DAGLB: variants seen among roughly 807,000 people sequenced by gnomAD.
DAGLB encodes diacylglycerol lipase-beta.
DAGLB carries 66 observed loss-of-function variants against 72.1 expected under a neutral mutation model. That is an observed-to-expected ratio of 0.92 (90% CI 0.75 to 1.12). The LOEUF (loss-of-function observed/expected upper bound fraction) is 1.12. DAGLB is among the 50% of genes most tolerant of loss of function. The probability of loss-of-function intolerance (pLI) is 0.00; values close to 1 mark genes in which losing one functional copy is unlikely to be tolerated. For missense variants in DAGLB, 1,065 were observed against 884.9 expected (o/e 1.20, Z -2.58); for synonymous variants, 414 against 359.5 (o/e 1.15, Z -1.71).
chr7:6,417,323 C>T (rs755937976), intron 9 of DAGLB: 48 of 160,940 alleles, frequency 3.0e-4, no homozygotes, highest in Middle Eastern at 3.1e-3. Context: ...ACTCGGGAGG[C>T]TGAGGTGGGA....
chr7:6,410,437 C>G, intron 13 of DAGLB, 57 bp from the exon 14 acceptor site: 1 of 1,541,710 alleles, frequency 6.5e-7, no homozygotes, highest in Non-Finnish European at 8.8e-7. Flanking sequence ...CACCCGAGAC[C>G]TCCCGAAACA....
intron 11 of DAGLB, among the ~76,000 whole-genome samples, chr7:6,414,859 G>C (rs892163588): frequency 6.6e-6 from 1 of 152,086 alleles, no homozygotes; most frequent in Non-Finnish European, 1.5e-5. Context: ...CAAAACTTGA[G>C]AATATTCTTG....
chr7:6,432,579 G>A (rs1401550471), intron 5 of DAGLB, among the ~76,000 whole-genome samples: 1 of 150,658 alleles, frequency 6.6e-6, no homozygotes, highest in Non-Finnish European at 1.5e-5. Flanking sequence ...AGAATGGTGT[G>A]AACCTGGGAG....
Position 6,425,771 on chromosome 7 carries a change from C to T in DAGLB, c.1056+217G>A, listed in dbSNP as rs538138466. On this transcript the variant is annotated intron_variant, in intron 7 of 14. Transcript: ENST00000297056. ...CACAGCGCGCTATCTCTGATGAAGA[C>T]GTCTCTATCTTATGTGAAACCTGGG... Among the ~76,000 whole-genome samples, 25 of 152,332 alleles carry T rather than the reference C, an allele frequency of 1.6e-4. No individual in the cohort carries two copies. The South Asian group carries it at 3.5e-3, about 21-fold the overall frequency.
chr7:6,411,577 C>T (rs1029923878), intron 13 of DAGLB, among the ~76,000 whole-genome samples: 4 of 152,136 alleles, frequency 2.6e-5, no homozygotes, highest in East Asian at 1.9e-4. Context: ...GCCGAGACTG[C>T]GCCACTGCAC....
chr7:6,417,041 C>A, intron 9 of DAGLB, 120 bp from the exon 10 acceptor site: 2 of 1,102,520 alleles, frequency 1.8e-6, no homozygotes, highest in Middle Eastern at 2.3e-4. Flanking sequence ...TCTGAGACTG[C>A]AGAATCAGCA....
intron 2 of DAGLB, among the ~76,000 whole-genome samples, chr7:6,444,499 G>C (rs908709990): frequency 6.6e-6 from 1 of 152,158 alleles, no homozygotes; most frequent in Non-Finnish European, 1.5e-5. Context: ...CTACATGGGA[G>C]GCTGAGGCAC....
At chr7:6,422,026 A>T in intron 8 of DAGLB, 1 of 656,166 alleles carries the variant, frequency 1.5e-6, no homozygotes, top group Non-Finnish European at 2.8e-6. Flanking sequence ...TGAAGGGTGG[A>T]GGGGACCATG....
At chr7:6,446,512 A>G (rs13222147) in intron 1 of DAGLB, among the ~76,000 whole-genome samples, 1 of 119,156 alleles carries the variant, frequency 8.4e-6, no homozygotes, top group Non-Finnish European at 1.8e-5. Context: ...AAAAAAAAAG[A>G]AATAAAAGGA....
intron 11 of DAGLB, among the ~76,000 whole-genome samples, chr7:6,415,945 G>A (rs892797416): frequency 1.2e-4 from 18 of 152,038 alleles, no homozygotes; most frequent in Admixed American, 7.2e-4. Flanking sequence ...CCGAGAGGGC[G>A]GAGGGAGTGC....
chr7:6,441,562 G>T (rs1784834404), intron 2 of DAGLB, among the ~76,000 whole-genome samples: 2 of 148,338 alleles, frequency 1.3e-5, no homozygotes, highest in Non-Finnish European at 3.0e-5. Context: ...TGACTACAGG[G>T]GCCCGCCACC....
Position 6,432,954 on chromosome 7 carries a change from TG to T in DAGLB, c.683del (p.Thr228LysfsTer48), listed in dbSNP as rs1562486165. On this transcript the variant is annotated frameshift_variant, in exon 5 of 15. Transcript: ENST00000297056. LOFTEE classifies it high-confidence loss of function. ...CCGCAATGTCGCTGGGCACCAGATCTGTGTCCTGGGTGGGAAACCACAATGG... is the reference window on the plus strand; with the variant it reads ...CCGCAATGTCGCTGGGCACCAGATCTTGTCCTGGGTGGGAAACCACAATGG... ...AELFSTYFSD[T>X]DLVPSDIAAG... 1 of 1,613,432 alleles carries T rather than the reference TG, an allele frequency of 6.2e-7. No individual in the cohort carries two copies. Among genetic ancestry groups the T allele is most frequent in the East Asian group, 2.2e-5 (1 of 44,846 alleles).
intron 5 of DAGLB, 64 bp from the exon 6 acceptor site, chr7:6,430,671 C>G (rs987696103): frequency 7.5e-5 from 107 of 1,424,168 alleles, no homozygotes; most frequent in Middle Eastern, 1.9e-4. Context: ...GATCAACACA[C>G]TGAGACCTGA....
At chr7:6,412,584 C>T in intron 13 of DAGLB, 1 of 590,706 alleles carries the variant, frequency 1.7e-6, no homozygotes, top group Admixed American at 2.9e-5. Flanking sequence ...CTGCTCCCAG[C>T]CCAGATCCTG....
chr7:6,440,924 T>C (rs1199823092), intron 2 of DAGLB, among the ~76,000 whole-genome samples: 1 of 152,084 alleles, frequency 6.6e-6, no homozygotes, highest in African/African-American at 2.4e-5. Flanking sequence ...GTTCATGTTC[T>C]TTGCCCATTT....
At chr7:6,432,756 C>G in intron 5 of DAGLB, 81 bp downstream of exon 5, 1 of 1,470,642 alleles carries the variant, frequency 6.8e-7, no homozygotes, top group Non-Finnish European at 9.0e-7. Flanking sequence ...GAAGAAATTG[C>G]TATAGGTTAG....
chr7:6,441,010 G>A (rs112317879), intron 2 of DAGLB, among the ~76,000 whole-genome samples: 11,987 of 151,800 alleles, frequency 0.079, 1,112 homozygotes, highest in East Asian at 0.5. Flanking sequence ...AAAGTGCTGG[G>A]GTTACAGGCA....
intron 8 of DAGLB, 69 bp from the exon 9 acceptor site, chr7:6,421,873 C>T: frequency 6.5e-7 from 1 of 1,534,826 alleles, no homozygotes; most frequent in South Asian, 1.1e-5. Context: ...GACAGGTGGT[C>T]CCTGCTCCTG....
intron 6 of DAGLB, among the ~76,000 whole-genome samples, chr7:6,429,607 C>G (rs1030389512): frequency 4.0e-5 from 6 of 151,804 alleles, no homozygotes. Flanking sequence ...ACTAAACATA[C>G]AAAAATTACC....
Sources: allele counts gnomAD v4.1 joint callset (sites outside exome capture counted in the v4.1 genomes callset), GRCh38; gene constraint gnomAD v4.1.1; transcripts MANE v1.5; gene names NCBI Gene and HGNC (gene_info 2026-07-23, HGNC 2026-07-21).